Variants in PCDH11X observed in about 807,000 individuals in gnomAD.
PCDH11X encodes the protein protocadherin-11 X-linked.
A neutral mutation model predicts 53.3 loss-of-function variants in PCDH11X; 18 were observed. That is an observed-to-expected ratio of 0.34 (90% CI 0.23 to 0.50). The LOEUF is 0.50. Among genes scored for constraint, PCDH11X ranks in the 20% least tolerant of loss-of-function variants. The probability of loss-of-function intolerance (pLI) is 0.98; values close to 1 mark genes in which losing one functional copy is unlikely to be tolerated. For missense variants in PCDH11X, 570 were observed against 1,032.4 expected, an observed-to-expected ratio of 0.55 and a Z score of 6.14; for synonymous variants, 279 against 393.3, an observed-to-expected ratio of 0.71 and a Z score of 3.44.
chrX:92,001,632 C>A (rs1569301273), intron 6 of PCDH11X, among the ~76,000 whole-genome samples: 1 of 108,526 alleles, frequency 9.2e-6, no homozygotes, highest in Non-Finnish European at 1.9e-5. Flanking sequence ...CCATGCCTAG[C>A]TAAATTTGTG....
At chrX:92,295,653 C>T (rs1283125138) in intron 8 of PCDH11X, among the ~76,000 whole-genome samples, 1 of 106,343 alleles carries the variant, frequency 9.4e-6, no homozygotes, top group Non-Finnish European at 1.9e-5. Flanking sequence ...AATAAATGCC[C>T]TTCATTAGGT....
intron 6 of PCDH11X, among the ~76,000 whole-genome samples, chrX:91,922,989 G>T (rs1270832653): frequency 9.0e-6 from 1 of 110,885 alleles, no homozygotes; most frequent in Non-Finnish European, 1.9e-5. Context: ...TAAATCAAAA[G>T]ATACAAGTTC....
chrX:92,460,417 C>T (rs903310135), intron 9 of PCDH11X: 21 of 851,515 alleles, frequency 2.5e-5, no homozygotes, highest in East Asian at 9.3e-5. Context: ...GGCAGACATC[C>T]GGGCCCAATA....
chrX:92,194,863 T>C (rs766308636), intron 6 of PCDH11X, among the ~76,000 whole-genome samples: 3 of 111,408 alleles, frequency 2.7e-5, no homozygotes, highest in Non-Finnish European at 5.7e-5. Context: ...AGATAATCTG[T>C]GTGAAAAGCA....
chrX:92,607,666 TC>T (rs2148814019), intron 10 of PCDH11X, among the ~76,000 whole-genome samples: 1 of 111,928 alleles, frequency 8.9e-6, no homozygotes, highest in East Asian at 2.8e-4. Flanking sequence ...TATATCATTT[TC>T]CAGTGAAAAT....
chrX:92,484,857 T>G (rs2148678092), intron 10 of PCDH11X, among the ~76,000 whole-genome samples: 1 of 110,902 alleles, frequency 9.0e-6, no homozygotes, highest in Admixed American at 9.7e-5. Context: ...AAAAAAATTT[T>G]TTTAATGTGA....
chrX:91,907,414 G>C (rs370542593), intron 6 of PCDH11X, among the ~76,000 whole-genome samples: 2,433 of 29,800 alleles, frequency 0.082, 97 homozygotes, highest in African/African-American at 0.18. Context: ...CACACACACA[G>C]AGAGAGAGAG....
intron 10 of PCDH11X, among the ~76,000 whole-genome samples, chrX:92,534,997 G>A (rs1402756869): frequency 1.8e-5 from 2 of 111,085 alleles, no homozygotes; most frequent in African/African-American, 3.3e-5. Context: ...CAGTCATAAC[G>A]GCAACTACTA....
chrX:92,170,782 GT>G (rs1283041202), intron 6 of PCDH11X, among the ~76,000 whole-genome samples: 2 of 100,622 alleles, frequency 2.0e-5, no homozygotes, highest in South Asian at 4.7e-4. Flanking sequence ...TTCTTGTTTT[GT>G]TTTTTTGTTT....
chrX:91,947,011 C>T (rs1432538718), intron 6 of PCDH11X, among the ~76,000 whole-genome samples: 1 of 103,059 alleles, frequency 9.7e-6, no homozygotes, highest in Non-Finnish European at 2.0e-5. Flanking sequence ...AAATGATAAA[C>T]CCCAGGTATA....
intron 5 of PCDH11X, among the ~76,000 whole-genome samples, chrX:91,849,050 A>G (rs1295012066): frequency 1.8e-5 from 2 of 109,996 alleles, no homozygotes; most frequent in Admixed American, 9.7e-5. Context: ...TAATAAAAAT[A>G]ATTGAATTAA....
intron 10 of PCDH11X, among the ~76,000 whole-genome samples, chrX:92,563,526 G>T (rs1222407223): frequency 9.0e-6 from 1 of 111,065 alleles, no homozygotes; most frequent in Non-Finnish European, 1.9e-5. Flanking sequence ...AAACCTTACA[G>T]GCCAGAAAAG....
chrX:92,014,891 G>C (rs1488456559), intron 6 of PCDH11X, among the ~76,000 whole-genome samples: 4 of 110,438 alleles, frequency 3.6e-5, no homozygotes, highest in Non-Finnish European at 7.6e-5. Flanking sequence ...GTTGTGGGGT[G>C]GGGGGAGTGG....
intron 6 of PCDH11X, among the ~76,000 whole-genome samples, chrX:92,143,005 G>A (rs143909199): frequency 0.024 from 2,692 of 111,243 alleles, 90 homozygotes; most frequent in African/African-American, 0.083. Flanking sequence ...AGCCAGGCAT[G>A]GTGGCTCACG....
intron 6 of PCDH11X, among the ~76,000 whole-genome samples, chrX:92,186,170 C>G (rs1220187545): frequency 8.9e-6 from 1 of 111,769 alleles, no homozygotes; most frequent in African/African-American, 3.3e-5. Context: ...GAATACTATT[C>G]AGCCATAAAA....
chrX:91,947,969 C>T (rs2061596377), intron 6 of PCDH11X, among the ~76,000 whole-genome samples: 1 of 101,372 alleles, frequency 9.9e-6, no homozygotes, highest in African/African-American at 3.4e-5. Context: ...ATGTCTCCTT[C>T]CTAATCTAGG....
Position 91,930,313 on chromosome X carries a change from T to C in PCDH11X, c.3033+51040T>C, listed in dbSNP as rs751891977. Among the ~76,000 whole-genome samples, 48 of 109,251 alleles carry C rather than the reference T, an allele frequency of 4.4e-4. 1 individual carries two copies. In the East Asian group the frequency reaches 8.7e-3, roughly 20 times the overall value. The allele number at this position is 109,251 out of a possible 115,157, so 94.9% of individuals were successfully genotyped here. ...GATAGTGGTGGTAAAATGCTGTGCA[T>C]GTATGTCTGTGTGCATGTGAGAAAT... On this transcript the variant is annotated intron_variant, in intron 6 of 10. Transcript: ENST00000682573.
chrX:92,503,467 A>AGT (rs1418310879), intron 10 of PCDH11X, among the ~76,000 whole-genome samples: 4 of 97,931 alleles, frequency 4.1e-5, no homozygotes, highest in Admixed American at 1.0e-4. Context: ...AAAGTCATAG[A>AGT]ATCAACCTAA....
At chrX:92,491,623 A>G (rs1414855948) in intron 10 of PCDH11X, among the ~76,000 whole-genome samples, 1 of 110,509 alleles carries the variant, frequency 9.0e-6, no homozygotes, top group Non-Finnish European at 1.9e-5. Context: ...CTTTTTGTAT[A>G]CTATACAATA....
Sources: gnomAD v4.1 joint callset for allele counts (sites outside exome capture counted in the v4.1 genomes callset) on GRCh38, gnomAD v4.1.1 for gene constraint, MANE v1.5 for transcripts, NCBI Gene and HGNC (gene_info 2026-07-23, HGNC 2026-07-21) for gene names.